XIRP2: variants seen among roughly 807,000 people sequenced by gnomAD.
The protein encoded by XIRP2 is xin actin binding repeat containing 2, also known as xin actin-binding repeat-containing protein 2.
In XIRP2, 236 loss-of-function variants were observed where a neutral mutation model predicts 277.0. The ratio of observed to expected loss-of-function variants is 0.85; its 90% CI spans 0.77 to 0.95. The LOEUF is 0.95. XIRP2 is among the 40% of genes least tolerant of loss of function. XIRP2 has a pLI of 0.00. For synonymous variants in XIRP2, 1,490 were observed against 1,416.5 expected, an observed-to-expected ratio of 1.05 and a Z score of -1.17; for missense variants, 4,640 against 4,157.5, an observed-to-expected ratio of 1.12 and a Z score of -3.19.
At chr2:167,151,264 TG>T (rs1382655607) in intron 3 of XIRP2, among the ~76,000 whole-genome samples, 4 of 152,152 alleles carry the variant, frequency 2.6e-5, no homozygotes, top group African/African-American at 7.2e-5. Flanking sequence ...AAGTTGTTAA[TG>T]GCATACAGAA....
intron 2 of XIRP2, among the ~76,000 whole-genome samples, chr2:167,071,590 G>T (rs1689438893): frequency 6.6e-6 from 1 of 152,172 alleles, no homozygotes; most frequent in Non-Finnish European, 1.5e-5. Context: ...TCAGAACATA[G>T]GGTGGGGTCT....
At chr2:166,917,434 C>T (rs905842292) in intron 2 of XIRP2, among the ~76,000 whole-genome samples, 1 of 152,086 alleles carries the variant, frequency 6.6e-6, no homozygotes, top group Non-Finnish European at 1.5e-5. Flanking sequence ...TGTTAGTGTT[C>T]TTTTCACCCA....
intron 2 of XIRP2, among the ~76,000 whole-genome samples, chr2:166,971,581 T>C (rs1686579429): frequency 6.6e-6 from 1 of 152,104 alleles, no homozygotes; most frequent in African/African-American, 2.4e-5. Context: ...TTGCTAGGTA[T>C]AATTAGTTCT....
At chr2:167,027,776 G>C (rs1038201199) in intron 2 of XIRP2, among the ~76,000 whole-genome samples, 3 of 152,036 alleles carry the variant, frequency 2.0e-5, no homozygotes, top group Non-Finnish European at 4.4e-5. Context: ...GTCCACTCCA[G>C]ACCCTATAAA....
intron 2 of XIRP2, among the ~76,000 whole-genome samples, chr2:166,940,852 C>T (rs919036298): frequency 3.9e-5 from 6 of 152,192 alleles, no homozygotes; most frequent in Non-Finnish European, 8.8e-5. Context: ...GTCAGTCTGC[C>T]CCTACTTGGG....
chr2:167,012,846 T>A (rs748792131), intron 2 of XIRP2, among the ~76,000 whole-genome samples: 77 of 151,556 alleles, frequency 5.1e-4, no homozygotes, highest in Non-Finnish European at 8.9e-4. Flanking sequence ...ATGCCTTAAT[T>A]TCCTTCAATA....
At chr2:167,129,881 A>AG (rs1249022794) in intron 2 of XIRP2, among the ~76,000 whole-genome samples, 4 of 151,136 alleles carry the variant, frequency 2.6e-5, no homozygotes, top group African/African-American at 4.9e-5. Flanking sequence ...AAAAAAAAAA[A>AG]AAAAGAAAAG....
intron 2 of XIRP2, among the ~76,000 whole-genome samples, chr2:166,959,790 A>G (rs1194257181): frequency 4.0e-5 from 6 of 151,700 alleles, no homozygotes; most frequent in African/African-American, 1.5e-4. Flanking sequence ...CAGAGGTTAA[A>G]CATCTTCTAT....
At chr2:167,130,230 T>TA (rs753142655) in intron 2 of XIRP2, among the ~76,000 whole-genome samples, 73 of 151,792 alleles carry the variant, frequency 4.8e-4, no homozygotes, top group Non-Finnish European at 7.2e-4. Context: ...ACTTTTTCTT[T>TA]AAAAAAAACC....
At chr2:167,049,900 T>C in intron 2 of XIRP2, among the ~76,000 whole-genome samples, 1 of 152,032 alleles carries the variant, frequency 6.6e-6, no homozygotes. Flanking sequence ...GTTTTAGTTT[T>C]AGTTTTGCTT....
chr2:167,190,749 C>T (rs1052957574), intron 3 of XIRP2, among the ~76,000 whole-genome samples: 2 of 152,060 alleles, frequency 1.3e-5, no homozygotes, highest in African/African-American at 4.8e-5. Context: ...CAATCAATTA[C>T]GTGTATGAGT....
chr2:166,889,787 T>A (rs984495400), intron 1 of XIRP2: 1 of 123,908 alleles, frequency 8.1e-6, no homozygotes, highest in African/African-American at 2.6e-5. Context: ...CTTTTGCTGG[T>A]AGTCATTTTC....
At chr2:167,199,067 G>A (rs1367224213) in intron 3 of XIRP2, among the ~76,000 whole-genome samples, 6 of 152,092 alleles carry the variant, frequency 3.9e-5, no homozygotes, top group African/African-American at 1.2e-4. Context: ...AAGCTGCCAG[G>A]GTGTCATGTA....
At chr2:167,068,680 G>A (rs544842931) in intron 2 of XIRP2, among the ~76,000 whole-genome samples, 2 of 151,782 alleles carry the variant, frequency 1.3e-5, no homozygotes, top group African/African-American at 4.8e-5. Flanking sequence ...TATAAAAGCA[G>A]GTCATGGCTC....
chr2:167,249,953 A>C lies in XIRP2; in HGVS notation c.8561A>C (p.Lys2854Thr). 3 of 1,613,660 alleles carry C rather than the reference A, an allele frequency of 1.9e-6. No individual in the cohort carries two copies. Among genetic ancestry groups the C allele is most frequent in the Non-Finnish European group, 2.5e-6 (3 of 1,179,722 alleles). ...LKNKSAPKVVKQKVIDAHLDS... is the reference protein window; with the variant it reads ...LKNKSAPKVVTQKVIDAHLDS... ...AATAAATCAGCACCAAAGGTCGTCAAGCAAAAGGTTATCGATGCACATCTT... is the reference window on the plus strand; with the variant it reads ...AATAAATCAGCACCAAAGGTCGTCACGCAAAAGGTTATCGATGCACATCTT... Residue 2854 changes from lysine to threonine, a missense_variant, in exon 9 of 11, where the codon AAG becomes ACG. Coordinates refer to ENST00000409195, the MANE Select transcript of XIRP2 (RefSeq NM_152381.6).
At chr2:166,889,375 T>A (rs1684040648) in intron 1 of XIRP2, 1 of 152,594 alleles carries the variant, frequency 6.6e-6, no homozygotes, top group South Asian at 2.1e-4. Context: ...ATGAAGAGGA[T>A]GTCCCAGGCC....
At position 167,241,912 on chromosome 2, in the gene XIRP2, TAA is replaced by T. The variant is rs765594257; in HGVS notation, c.1176+4_1176+5del. 8 of 1,609,826 alleles carry T rather than the reference TAA, an allele frequency of 5.0e-6. No homozygotes were observed. The highest frequency in any genetic ancestry group is 5.9e-6 in the Non-Finnish European group (7 of 1,178,584). ...ACAACCCCAGCCAAGCAGATTAAGG[TAA>T]AGTCATTTCTTTACACAGAAACATA... On this transcript the variant is annotated splice_donor_region_variant and intron_variant, in intron 8 of 10. Coordinates refer to ENST00000409195, the MANE Select transcript of XIRP2 (RefSeq NM_152381.6).
intron 2 of XIRP2, among the ~76,000 whole-genome samples, chr2:166,997,708 C>T (rs571648531): frequency 6.6e-6 from 1 of 152,026 alleles, no homozygotes; most frequent in Non-Finnish European, 1.5e-5. Context: ...AGCTCAAGAC[C>T]ATCCTGGCCA....
intron 3 of XIRP2, among the ~76,000 whole-genome samples, chr2:167,190,562 A>G (rs57366202): frequency 0.017 from 2,532 of 152,304 alleles, 75 homozygotes; most frequent in African/African-American, 0.058. Context: ...TATGAATTCC[A>G]GAGTAAAAAT....
Sources: gnomAD v4.1 joint callset for allele counts (sites outside exome capture counted in the v4.1 genomes callset) on GRCh38, gnomAD v4.1.1 for gene constraint, MANE v1.5 for transcripts, NCBI Gene and HGNC (gene_info 2026-07-23, HGNC 2026-07-21) for gene names.